Variants in ABL1 observed in about 807,000 individuals in gnomAD.
The protein encoded by ABL1 is ABL proto-oncogene 1, non-receptor tyrosine kinase, also known as tyrosine-protein kinase ABL1.
Under a neutral mutation model 94.7 loss-of-function variants are expected in ABL1, and 11 were observed. The observed-to-expected ratio is 0.12, with a 90% CI of 0.07 to 0.19. The LOEUF is 0.19. Ranked by LOEUF, ABL1 falls within the 10% of genes least tolerant of loss-of-function variation. The pLI is 1.00. For missense variants in ABL1, 1,082 were observed against 1,489.4 expected, an observed-to-expected ratio of 0.73 and a Z score of 4.50; for synonymous variants, 656 against 622.4, an observed-to-expected ratio of 1.05 and a Z score of -0.80.
At chr9:130,859,924 C>G (rs1186770659) in intron 3 of ABL1, among the ~76,000 whole-genome samples, 2 of 152,030 alleles carry the variant, frequency 1.3e-5, no homozygotes, top group African/African-American at 4.8e-5. Context: ...CGTGATCTGC[C>G]CTCCTTGGCC....
At chr9:130,714,400 G>A in exon 1 of ABL1, 2 of 1,614,130 alleles carry the variant, frequency 1.2e-6, no homozygotes, top group Non-Finnish European at 1.7e-6. Context: ...AAGGAGCAGG[G>A]AAGAAGGAAT....
chr9:130,721,761 G>A (rs1831516683), intron 1 of ABL1, among the ~76,000 whole-genome samples: 1 of 151,610 alleles, frequency 6.6e-6, no homozygotes, highest in African/African-American at 2.4e-5. Flanking sequence ...TTAGAAGGTG[G>A]GAGGAAGTGC....
At chr9:130,828,318 G>A (rs975924327) in intron 1 of ABL1, among the ~76,000 whole-genome samples, 2 of 22,366 alleles carry the variant, frequency 8.9e-5, no homozygotes, top group Non-Finnish European at 1.4e-4. Flanking sequence ...TCCTGCCTCA[G>A]CCTCCCCCCA....
chr9:130,743,563 GAC>G (rs765423804), intron 1 of ABL1, among the ~76,000 whole-genome samples: 1 of 152,208 alleles, frequency 6.6e-6, no homozygotes, highest in Non-Finnish European at 1.5e-5. Context: ...GGTCAGGTGA[GAC>G]ACAGAGCAGC....
Position 130,855,053 on chromosome 9 carries a change from G to A in ABL1, c.506G>A (p.Gly169Glu), listed in dbSNP as rs777111369. 6.2e-7 allele frequency: 1 copy of A among 1,614,174 alleles called. No homozygotes were observed. Among genetic ancestry groups the A allele is most frequent in the Admixed American group, 1.7e-5 (1 of 60,028 alleles). The stretch of plus-strand genomic sequence containing the variant: ...AGGTCCATCTCGCTGAGATACGAAG[G>A]GAGGGTGTACCATTACAGGATCAAC... ...GQRSISLRYE[G>E]RVYHYRINTA... The change falls in exon 3 of 11, where the codon GGG (glycine) becomes GAG (glutamate). Residue 169 changes from glycine (G) to glutamate (E), a missense_variant. By Grantham distance (98) the Gly-to-Glu change is moderately conservative (BLOSUM62 -2). Transcript: ENST00000318560.
intron 1 of ABL1, among the ~76,000 whole-genome samples, chr9:130,800,802 T>C (rs1276156962): frequency 6.6e-6 from 1 of 152,256 alleles, no homozygotes; most frequent in East Asian, 1.9e-4. Context: ...GTGGATAACA[T>C]TAGATTGCTT....
intron 4 of ABL1, among the ~76,000 whole-genome samples, chr9:130,870,165 G>C (rs971952735): frequency 1.3e-5 from 2 of 152,144 alleles, no homozygotes; most frequent in African/African-American, 2.4e-5. Context: ...ATTCCAGCAG[G>C]GGGAGACAAA....
intron 1 of ABL1, among the ~76,000 whole-genome samples, chr9:130,729,080 T>G (rs7044988): frequency 3.9e-5 from 6 of 152,202 alleles, no homozygotes; most frequent in Non-Finnish European, 7.3e-5. Flanking sequence ...GGTTTTATGC[T>G]TTGTTAGTAT....
At chr9:130,724,400 T>G (rs1434870262) in intron 1 of ABL1, among the ~76,000 whole-genome samples, 2 of 152,236 alleles carry the variant, frequency 1.3e-5, no homozygotes, top group East Asian at 3.8e-4. Flanking sequence ...TTATGTATCC[T>G]AGGACTTTTT....
intron 1 of ABL1, among the ~76,000 whole-genome samples, chr9:130,731,785 C>G (rs780910808): frequency 6.6e-6 from 1 of 151,968 alleles, no homozygotes; most frequent in Non-Finnish European, 1.5e-5. Context: ...GCTTCCATAC[C>G]CAAACAGAAA....
intron 1 of ABL1, among the ~76,000 whole-genome samples, chr9:130,761,932 C>T (rs906910244): frequency 3.0e-4 from 46 of 152,012 alleles, no homozygotes; most frequent in African/African-American, 1.1e-3. Context: ...CACCTGAGGT[C>T]GGGAGTTAGA....
chr9:130,835,613 T>C lies in ABL1; in HGVS notation c.79+88T>C, dbSNP rs1830562037. The stretch of plus-strand genomic sequence containing the variant: ...TTCCTAGGCCTCGCCGCCCGCGCGC[T>C]CCCGCCTGCGCCCTCCCCGGGTCTT... On this transcript the variant is annotated intron_variant, in intron 1 of 10. Transcript: ENST00000318560. This position sits in a 1 kb window ranked among gnomAD's most constrained non-coding sequence, Gnocchi z 4.6. 7 of 1,050,390 alleles carry C rather than the reference T, an allele frequency of 6.7e-6. No individual in the cohort carries two copies. The highest frequency in any genetic ancestry group is 5.5e-5 in the South Asian group (4 of 72,130). The allele number at this position is 1,050,390 out of a possible 1,614,324, so 65.1% of individuals were successfully genotyped here. A position where few individuals can be genotyped will look rare whatever the true frequency, so the allele number is the denominator to read the frequency against.
At chr9:130,856,140 G>A (rs1002745470) in intron 3 of ABL1, among the ~76,000 whole-genome samples, 3 of 152,180 alleles carry the variant, frequency 2.0e-5, no homozygotes, top group Admixed American at 2.0e-4. Flanking sequence ...CCAAGCTGGA[G>A]TGCAATGGTG....
Position 130,885,771 on chromosome 9 carries a change from G to A in ABL1, c.*88G>A, listed in dbSNP as rs1831570710. 2 of 1,481,566 alleles carry A rather than the reference G, an allele frequency of 1.3e-6. No individual in the cohort carries two copies. The highest frequency in any genetic ancestry group is 1.8e-6 in the Non-Finnish European group (2 of 1,109,882). 91.8% of individuals were successfully genotyped at this position (1,481,566 alleles called of 1,614,324 possible). ...ATACCCGTGACAGTGGCTGACAAGG[G>A]ACTAGTGAGTCAGCACCTTGGCCCA... On this transcript the variant is annotated 3_prime_UTR_variant, in exon 11 of 11. Transcript: ENST00000318560.
chr9:130,819,783 C>T (rs143499364), intron 1 of ABL1, among the ~76,000 whole-genome samples: 133 of 152,006 alleles, frequency 8.7e-4, no homozygotes, highest in African/African-American at 3.0e-3. Flanking sequence ...CCTCGTGATC[C>T]GCCCGCCTCA....
intron 1 of ABL1, among the ~76,000 whole-genome samples, chr9:130,720,439 A>C (rs1370421174): frequency 1.3e-5 from 2 of 152,196 alleles, no homozygotes; most frequent in Non-Finnish European, 1.5e-5. Flanking sequence ...ACCAGGATGC[A>C]GAAACCTGAG....
intron 1 of ABL1, among the ~76,000 whole-genome samples, chr9:130,738,017 A>C: frequency 6.6e-6 from 1 of 151,822 alleles, no homozygotes. Flanking sequence ...TTTTTAATAG[A>C]GATAGGGTTT....
chr9:130,816,641 T>G (rs35995017), intron 1 of ABL1, among the ~76,000 whole-genome samples: 268 of 151,912 alleles, frequency 1.8e-3, no homozygotes, highest in African/African-American at 6.3e-3. Flanking sequence ...GGGGCAGGCA[T>G]AGGATAGACA....
At chr9:130,771,760 T>TTCTTTCTTTCTTTCTTTCTTTCTTTC (rs1588233099) in intron 1 of ABL1, among the ~76,000 whole-genome samples, 4 of 59,612 alleles carry the variant, frequency 6.7e-5, no homozygotes, top group African/African-American at 2.0e-4. Context: ...TTCTTTTTTT[T>TTCTTTCTTTCTTTCTTTCTTTCTTTC]TTTTTTTTTT....
Sources: allele counts gnomAD v4.1 joint callset (sites outside exome capture counted in the v4.1 genomes callset), GRCh38; gene constraint gnomAD v4.1.1; non-coding constraint Gnocchi (gnomAD v3.1); transcripts MANE v1.5; gene names NCBI Gene and HGNC (gene_info 2026-07-23, HGNC 2026-07-21).